The following TTC39B variants were observed in gnomAD, a reference collection of about 807,000 sequenced individuals.
The protein encoded by TTC39B is tetratricopeptide repeat domain 39B, also known as tetratricopeptide repeat protein 39B.
Under a neutral mutation model 96.6 loss-of-function variants are expected in TTC39B, and 92 were observed. That is an observed-to-expected ratio of 0.95 (90% confidence interval 0.80 to 1.13). The LOEUF (loss-of-function observed/expected upper bound fraction) is 1.13. TTC39B is among the 50% of genes most tolerant of loss of function. TTC39B has a pLI of 0.00. For synonymous variants in TTC39B, 367 were observed against 299.4 expected, an observed-to-expected ratio of 1.23 and a Z score of -2.33; for missense variants, 955 against 809.3, an observed-to-expected ratio of 1.18 and a Z score of -2.18.
At chr9:15,169,484 G>GC (rs1328001277) in exon 20 of TTC39B, 3 of 151,590 alleles carry the variant, frequency 2.0e-5, no homozygotes, top group Non-Finnish European at 4.4e-5. Flanking sequence ...TACATGAATT[G>GC]CACTGTCAGA....
intron 2 of TTC39B, among the ~76,000 whole-genome samples, chr9:15,259,974 T>C (rs909392125): frequency 1.3e-5 from 2 of 152,186 alleles, no homozygotes; most frequent in Non-Finnish European, 2.9e-5. Flanking sequence ...GGCACAGATT[T>C]CTTTTTCAGA....
chr9:15,301,207 T>A (rs979228236), intron 1 of TTC39B, among the ~76,000 whole-genome samples: 6 of 152,346 alleles, frequency 3.9e-5, no homozygotes, highest in South Asian at 2.1e-4. Flanking sequence ...TCCCTGTTTG[T>A]ACCTGTTGTC....
chr9:15,260,469 G>T (rs1349121240), intron 2 of TTC39B, among the ~76,000 whole-genome samples: 1 of 151,930 alleles, frequency 6.6e-6, no homozygotes, highest in Non-Finnish European at 1.5e-5. Flanking sequence ...AGAGAAAAAT[G>T]AAAACAAATC....
exon 20 of TTC39B, chr9:15,167,736 G>A (rs1202431574): frequency 6.6e-6 from 1 of 152,192 alleles, no homozygotes; most frequent in Non-Finnish European, 1.5e-5. Context: ...TGGGCAACAA[G>A]AGCGAAACTC....
At chr9:15,191,458 AG>A (rs1203181518) in intron 9 of TTC39B, among the ~76,000 whole-genome samples, 2 of 152,214 alleles carry the variant, frequency 1.3e-5, no homozygotes, top group Non-Finnish European at 2.9e-5. Flanking sequence ...ACCTTTAAAA[AG>A]TTTTTTTTAA....
At chr9:15,201,886 A>G (rs749284164) in intron 7 of TTC39B, among the ~76,000 whole-genome samples, 7 of 152,222 alleles carry the variant, frequency 4.6e-5, no homozygotes, top group Non-Finnish European at 1.0e-4. Flanking sequence ...GCTGAAGCAG[A>G]GAAGTGACCA....
At chr9:15,210,158 C>A in exon 6 of TTC39B, 1 of 1,592,116 alleles carries the variant, frequency 6.3e-7, no homozygotes, top group Non-Finnish European at 8.6e-7. Flanking sequence ...TGTATTTTTT[C>A]CTGTATCTAC....
intron 2 of TTC39B, among the ~76,000 whole-genome samples, chr9:15,232,817 G>T (rs1042483538): frequency 1.3e-5 from 2 of 152,180 alleles, no homozygotes; most frequent in African/African-American, 4.8e-5. Flanking sequence ...CGACGTAGCT[G>T]GCTTTTTGGA....
At chr9:15,256,228 T>C (rs985950839) in intron 2 of TTC39B, among the ~76,000 whole-genome samples, 2 of 152,130 alleles carry the variant, frequency 1.3e-5, no homozygotes, top group African/African-American at 2.4e-5. Context: ...TGCTTCCTTC[T>C]ACCACGTGAG....
At chr9:15,192,640 A>G (rs745827204) in exon 9 of TTC39B, 2 of 1,614,056 alleles carry the variant, frequency 1.2e-6, no homozygotes, top group Admixed American at 1.7e-5. Flanking sequence ...AACTCATAGA[A>G]GAATTCCTGC....
At chr9:15,192,062 A>G (rs182274056) in intron 9 of TTC39B, among the ~76,000 whole-genome samples, 3 of 152,360 alleles carry the variant, frequency 2.0e-5, no homozygotes, top group Admixed American at 2.0e-4. Context: ...GGCTATAAGC[A>G]AAGTGGCCAT....
At chr9:15,175,172 G>C in intron 18 of TTC39B, 37 bp from the exon 19 acceptor site, 9 of 1,381,868 alleles carry the variant, frequency 6.5e-6, no homozygotes, top group Non-Finnish European at 9.2e-6. Context: ...AATCTTAACA[G>C]AACAAGAAAT....
intron 6 of TTC39B, among the ~76,000 whole-genome samples, chr9:15,207,754 G>A (rs1564346570): frequency 2.0e-5 from 3 of 151,840 alleles, no homozygotes; most frequent in African/African-American, 7.3e-5. Context: ...GGGAGGCTGA[G>A]GCGGGCGGAT....
chr9:15,185,171 C>T lies in TTC39B; in HGVS notation c.1614+109G>A. The T allele has an allele frequency of 2.9e-6, 4 of 1,362,194 alleles. No homozygotes were observed. In the South Asian group the frequency reaches 6.2e-5, roughly 21 times the overall value. The allele number at this position is 1,362,194 out of a possible 1,614,324, so 84.4% of individuals were successfully genotyped here. On this transcript the variant is annotated intron_variant, in intron 16 of 19. Transcript: ENST00000512701. ...AATGTTCAACTTACAACAAAACCTA[C>T]AATGGTTTTTAAATGAGCTAAACTT...
At position 15,189,800 on chromosome 9, in the gene TTC39B, T is replaced by C. The variant is rs772450392; in HGVS notation, c.1106-8A>G. The C allele has an allele frequency of 3.1e-6, 5 of 1,595,826 alleles. No individual in the cohort carries two copies. Among genetic ancestry groups the C allele is most frequent in the Non-Finnish European group, 4.3e-6 (5 of 1,167,856 alleles). ...CATTCACTTCTCCTGTACCTAGAAA[T>C]TTAACAGGAAAAGACTCAGTCTTCA... On this transcript the variant is annotated splice_region_variant and splice_polypyrimidine_tract_variant and intron_variant, in intron 11 of 19. Transcript: ENST00000512701.
intron 16 of TTC39B, chr9:15,183,313 G>C (rs753364782): frequency 1.2e-4 from 49 of 425,176 alleles, no homozygotes; most frequent in Admixed American, 2.0e-4. Flanking sequence ...GCTGCTAATA[G>C]AGCAAGAGTT....
intron 2 of TTC39B, among the ~76,000 whole-genome samples, chr9:15,232,615 A>G (rs1821488305): frequency 2.0e-5 from 3 of 152,232 alleles, no homozygotes; most frequent in Non-Finnish European, 4.4e-5. Flanking sequence ...TGAAAACTCA[A>G]CACAATGAAA....
At chr9:15,226,069 C>T (rs1821108908) in intron 2 of TTC39B, 57 bp from the exon 3 acceptor site, 3 of 1,470,392 alleles carry the variant, frequency 2.0e-6, no homozygotes, top group Non-Finnish European at 9.5e-7. Context: ...TGAGAAAAGT[C>T]TACACCAGTG....
At chr9:15,285,158 G>A (rs1347781087) in intron 1 of TTC39B, among the ~76,000 whole-genome samples, 1 of 151,602 alleles carries the variant, frequency 6.6e-6, no homozygotes, top group East Asian at 2.0e-4. Context: ...CCAGCTACTC[G>A]GGGCGGGGGC....
Sources: allele counts gnomAD v4.1 joint callset (sites outside exome capture counted in the v4.1 genomes callset), GRCh38; gene constraint gnomAD v4.1.1; transcripts MANE v1.5; gene names NCBI Gene and HGNC (gene_info 2026-07-23, HGNC 2026-07-21).